Variants in PODXL2 observed in about 807,000 individuals in gnomAD.
PODXL2 encodes the protein podocalyxin like 2.
A neutral mutation model predicts 53.4 loss-of-function variants in PODXL2; 17 were observed. That is an observed-to-expected ratio of 0.32 (90% CI 0.22 to 0.48). The LOEUF (loss-of-function observed/expected upper bound fraction) is 0.48, where lower values mean the gene tolerates loss of function less well. Ranked by LOEUF, PODXL2 falls within the 20% of genes least tolerant of loss-of-function variation. The probability of loss-of-function intolerance (pLI) is 0.99; values close to 1 mark genes in which losing one functional copy is unlikely to be tolerated. For missense variants in PODXL2, 673 were observed against 760.0 expected, an observed-to-expected ratio of 0.89 and a Z score of 1.35; for synonymous variants, 311 against 306.7, an observed-to-expected ratio of 1.01 and a Z score of -0.15.
chr3:127,670,771 T>C, intron 6 of PODXL2, among the ~76,000 whole-genome samples: 1 of 152,178 alleles, frequency 6.6e-6, no homozygotes, highest in East Asian at 1.9e-4. Context: ...GATGCTGATC[T>C]GTGGAGATAG....
intron 4 of PODXL2, among the ~76,000 whole-genome samples, chr3:127,662,710 C>A (rs1468544155): frequency 6.6e-6 from 1 of 152,152 alleles, no homozygotes; most frequent in Non-Finnish European, 1.5e-5. Flanking sequence ...TTGTTCATAG[C>A]TCTCTCTATC....
At chr3:127,642,088 G>T (rs1164830368) in intron 2 of PODXL2, among the ~76,000 whole-genome samples, 1 of 151,738 alleles carries the variant, frequency 6.6e-6, no homozygotes, top group Non-Finnish European at 1.5e-5. Flanking sequence ...TCCGGAGTTC[G>T]AGACCAGCCT....
chr3:127,629,337 G>A lies in PODXL2; in HGVS notation c.70+48G>A. The A allele has an allele frequency of 9.9e-7, 1 of 1,007,266 alleles. No homozygotes were observed. Among genetic ancestry groups the A allele is most frequent in the Non-Finnish European group, 1.2e-6 (1 of 845,016 alleles). The allele number at this position is 1,007,266 out of a possible 1,614,324, so 62.4% of individuals were successfully genotyped here. On this transcript the variant is annotated intron_variant, in intron 1 of 7. Coordinates refer to ENST00000342480, the MANE Select transcript of PODXL2 (RefSeq NM_015720.4). This position sits in a 1 kb window ranked among gnomAD's most constrained non-coding sequence, Gnocchi z 6.4. The stretch of plus-strand genomic sequence containing the variant: ...CGCGGGAGGGCGGGCGGCGGCGTGG[G>A]CGCGGTGCTGGACAGCTCCCCGGGC...
At chr3:127,639,044 C>G (rs1234718360) in intron 1 of PODXL2, among the ~76,000 whole-genome samples, 1 of 152,248 alleles carries the variant, frequency 6.6e-6, no homozygotes, top group Non-Finnish European at 1.5e-5. Context: ...TTGCCCCTGC[C>G]ATAGGGAAGT....
chr3:127,637,849 A>G (rs913428312), intron 1 of PODXL2, among the ~76,000 whole-genome samples: 2 of 152,010 alleles, frequency 1.3e-5, no homozygotes, highest in Non-Finnish European at 2.9e-5. Context: ...TGAAATGCTC[A>G]TTTTTTTCAG....
intron 4 of PODXL2, among the ~76,000 whole-genome samples, chr3:127,666,960 C>G (rs1301766953): frequency 6.6e-6 from 1 of 152,190 alleles, no homozygotes; most frequent in Non-Finnish European, 1.5e-5. Context: ...TGTTTTGTAA[C>G]CAGGGGTCTG....
At chr3:127,669,572 T>G (rs954905525) in intron 6 of PODXL2, among the ~76,000 whole-genome samples, 1 of 151,988 alleles carries the variant, frequency 6.6e-6, no homozygotes, top group Non-Finnish European at 1.5e-5. Flanking sequence ...TGCTGCCTGG[T>G]GGGAGGGGCG....
rs565335545 is a variant in PODXL2, at chr3:127,643,156, G to C, written c.349+3633G>C. ...CATTTTTCCAGTTTGTCAACTGCTT[G>C]TATTTTTATTATAATTTTTGGCATA... On this transcript the variant is annotated intron_variant, in intron 2 of 7. Coordinates refer to ENST00000342480, the MANE Select transcript of PODXL2 (RefSeq NM_015720.4). Among the ~76,000 whole-genome samples, 7 of 152,146 alleles carry C rather than the reference G, an allele frequency of 4.6e-5. No individual in the cohort carries two copies. In the South Asian group the frequency reaches 1.0e-3, roughly 23 times the overall value.
At chr3:127,641,295 G>T (rs986021574) in intron 2 of PODXL2, among the ~76,000 whole-genome samples, 4 of 151,982 alleles carry the variant, frequency 2.6e-5, no homozygotes, top group Admixed American at 6.6e-5. Flanking sequence ...CTGTAACCTC[G>T]AACTCCTGGG....
chr3:127,667,341 GCT>G (rs1472278867), intron 4 of PODXL2, among the ~76,000 whole-genome samples: 7 of 152,250 alleles, frequency 4.6e-5, no homozygotes, highest in Admixed American at 4.6e-4. Flanking sequence ...CTGGTGAGAT[GCT>G]CGTGCCTCCC....
At chr3:127,645,748 G>A (rs2074648243) in intron 2 of PODXL2, among the ~76,000 whole-genome samples, 1 of 152,238 alleles carries the variant, frequency 6.6e-6, no homozygotes, top group Non-Finnish European at 1.5e-5. Context: ...AAGGTGGCAG[G>A]CTGACAGCGA....
chr3:127,639,630 G>A, intron 2 of PODXL2, 107 bp downstream of exon 2: 1 of 1,064,628 alleles, frequency 9.4e-7, no homozygotes. Context: ...TCTCCCTACA[G>A]TTTTTACCAT....
At position 127,639,322 on chromosome 3, in the gene PODXL2, C is replaced by G. The variant is rs1449873616; in HGVS notation, c.148C>G (p.Leu50Val). The change falls in exon 2 of 8, where the codon CTC (leucine) becomes GTC (valine). Residue 50 changes from leucine (L) to valine (V), a missense_variant. By Grantham distance (32) the Leu-to-Val change is conservative. Transcript: ENST00000342480. ...EGLTSTSLLD[L>V]LLPTGLEPLD... ...CCTCACCTCCACCTCCCTGCTAGAC[C>G]TCCTGCTGCCCACTGGCTTGGAGCC... 3 of 1,614,108 alleles carry G rather than the reference C, an allele frequency of 1.9e-6. No individual in the cohort carries two copies. In the South Asian group the frequency reaches 3.3e-5, roughly 18 times the overall value.
At chr3:127,640,037 G>A (rs191980026) in intron 2 of PODXL2, among the ~76,000 whole-genome samples, 41 of 152,312 alleles carry the variant, frequency 2.7e-4, no homozygotes, top group African/African-American at 9.4e-4. Flanking sequence ...CATTCTAACC[G>A]CCCTTCCCTC....
intron 2 of PODXL2, among the ~76,000 whole-genome samples, chr3:127,654,623 T>A (rs537749046): frequency 6.6e-6 from 1 of 152,368 alleles, no homozygotes; most frequent in East Asian, 1.9e-4. Context: ...CCCTGCCCTT[T>A]TTCCTAGATT....
In PODXL2 at chr3:127,642,704, G is replaced by C. The variant is rs577399432; in HGVS notation, c.349+3181G>C. Among the ~76,000 whole-genome samples the C allele has an allele frequency of 5.2e-4, 79 of 152,100 alleles. 1 individual carries two copies. The highest frequency in any genetic ancestry group is 1.0e-3 in the Non-Finnish European group (70 of 68,018). ...ACTCATATATGTACAAAACATATGT[G>C]TACGTTCATTATATACAGAATATGT... On this transcript the variant is annotated intron_variant, in intron 2 of 7. Coordinates refer to ENST00000342480, the MANE Select transcript of PODXL2 (RefSeq NM_015720.4).
intron 2 of PODXL2, among the ~76,000 whole-genome samples, chr3:127,642,172 C>T (rs2074625434): frequency 6.6e-6 from 1 of 151,482 alleles, no homozygotes; most frequent in African/African-American, 2.4e-5. Flanking sequence ...CGCCTGTGAA[C>T]CTAGCTACTC....
chr3:127,634,905 G>A (rs1480864504), intron 1 of PODXL2, among the ~76,000 whole-genome samples: 5 of 152,206 alleles, frequency 3.3e-5, no homozygotes, highest in Non-Finnish European at 5.9e-5. Flanking sequence ...GATGAGTGCA[G>A]GGGGAATTGC....
intron 4 of PODXL2, among the ~76,000 whole-genome samples, chr3:127,664,504 T>G (rs763479765): frequency 4.6e-5 from 7 of 152,204 alleles, no homozygotes; most frequent in African/African-American, 1.2e-4. Context: ...TTTAATTATT[T>G]TGGGTATATA....
Sources: gnomAD v4.1 joint callset for allele counts (sites outside exome capture counted in the v4.1 genomes callset) on GRCh38, gnomAD v4.1.1 for gene constraint, Gnocchi (gnomAD v3.1) non-coding constraint, MANE v1.5 for transcripts, NCBI Gene and HGNC (gene_info 2026-07-23, HGNC 2026-07-21) for gene names.